Variants in FGF12 observed in about 807,000 individuals in gnomAD.
FGF12 encodes the protein fibroblast growth factor 12, also known as fibroblast growth factor 12B.
FGF12 carries 14 observed loss-of-function variants against 23.6 expected under a neutral mutation model. That is an observed-to-expected ratio of 0.59 (90% CI 0.39 to 0.93). FGF12 has a LOEUF of 0.93. Among genes scored for constraint, FGF12 ranks in the 40% least tolerant of loss-of-function variants. The pLI, the probability that FGF12 is intolerant of heterozygous loss-of-function variation, is 0.00. For missense variants in FGF12, 175 were observed against 217.8 expected (o/e 0.80, Z 1.24); for synonymous variants, 62 against 77.3 (o/e 0.80, Z 1.04).
At chr3:192,711,398 T>C (rs1269029716) in intron 2 of FGF12, among the ~76,000 whole-genome samples, 4 of 148,574 alleles carry the variant, frequency 2.7e-5, no homozygotes, top group Admixed American at 6.7e-5. Context: ...CCGCCCCTTC[T>C]GGGAAGTGAG....
chr3:192,570,554 T>G (rs907132293), intron 2 of FGF12, among the ~76,000 whole-genome samples: 27 of 152,272 alleles, frequency 1.8e-4, no homozygotes, highest in African/African-American at 6.5e-4. Context: ...AGTCTGGAAG[T>G]TTCCCCAAAT....
intron 2 of FGF12, among the ~76,000 whole-genome samples, chr3:192,401,177 A>C (rs899962813): frequency 2.6e-5 from 4 of 152,236 alleles, no homozygotes; most frequent in Non-Finnish European, 4.4e-5. Flanking sequence ...TAATGAAAAG[A>C]CTGGTTTGTA....
At chr3:192,446,172 C>T (rs142779400) in intron 2 of FGF12, among the ~76,000 whole-genome samples, 208 of 152,318 alleles carry the variant, frequency 1.4e-3, no homozygotes, top group African/African-American at 4.6e-3. Context: ...TACCCAGACA[C>T]TGAACAGAAA....
intron 2 of FGF12, among the ~76,000 whole-genome samples, chr3:192,416,145 A>C (rs1283774674): frequency 6.6e-6 from 1 of 152,140 alleles, no homozygotes; most frequent in Non-Finnish European, 1.5e-5. Flanking sequence ...GAGACAATTA[A>C]TGAGAGATCT....
At chr3:192,622,781 C>T (rs1258673179) in intron 2 of FGF12, among the ~76,000 whole-genome samples, 1 of 152,188 alleles carries the variant, frequency 6.6e-6, no homozygotes, top group Non-Finnish European at 1.5e-5. Context: ...CAAATGCACA[C>T]ACACTTACAC....
chr3:192,577,568 G>A (rs1340051623), intron 2 of FGF12, among the ~76,000 whole-genome samples: 2 of 152,166 alleles, frequency 1.3e-5, no homozygotes, highest in South Asian at 2.1e-4. Context: ...CTGGGACAGA[G>A]AACAAAGGAA....
intron 4 of FGF12, among the ~76,000 whole-genome samples, chr3:192,314,435 T>C (rs992060129): frequency 2.6e-5 from 4 of 152,178 alleles, no homozygotes; most frequent in African/African-American, 9.7e-5. Context: ...GCTTTCCTGA[T>C]AAAGGCACCA....
intron 4 of FGF12, among the ~76,000 whole-genome samples, chr3:192,263,534 AT>A (rs1712888996): frequency 6.6e-6 from 1 of 151,334 alleles, no homozygotes; most frequent in Non-Finnish European, 1.5e-5. Context: ...TTTTAAAAAA[AT>A]AAAAAAAAAG....
chr3:192,207,497 G>C (rs1717716029), intron 4 of FGF12, among the ~76,000 whole-genome samples: 1 of 152,188 alleles, frequency 6.6e-6, no homozygotes, highest in Non-Finnish European at 1.5e-5. Flanking sequence ...AGCGATCCCG[G>C]CATAGCCAAA....
rs73066564 is a variant in FGF12, at chr3:192,321,960, C to T, written c.228+13401G>A. On this transcript the variant is annotated intron_variant, in intron 4 of 5. Transcript: ENST00000445105. ...TGTTATTCAACATAATCCTGGAAGT[C>T]CTAGCTAGAACAATCAGACAAGAGA... 2.0e-3 allele frequency among the ~76,000 whole-genome samples: 307 copies of T among 152,046 alleles called. 1 individual carries two copies. The highest frequency in any genetic ancestry group is 7.0e-3 in the African/African-American group (291 of 41,490).
intron 2 of FGF12, among the ~76,000 whole-genome samples, chr3:192,365,363 G>A (rs1718931220): frequency 2.6e-5 from 4 of 151,904 alleles, no homozygotes; most frequent in Non-Finnish European, 2.9e-5. Context: ...AAATGTAATG[G>A]GGTATTCTGA....
intron 2 of FGF12, among the ~76,000 whole-genome samples, chr3:192,659,234 T>C (rs538053846): frequency 6.6e-6 from 1 of 152,338 alleles, no homozygotes; most frequent in South Asian, 2.1e-4. Context: ...ATACATCTTA[T>C]GGCATTTCTT....
chr3:192,308,688 A>C (rs2108668555), intron 4 of FGF12, among the ~76,000 whole-genome samples: 1 of 152,158 alleles, frequency 6.6e-6, no homozygotes, highest in East Asian at 1.9e-4. Context: ...CTCAAAAAAA[A>C]AAAAGAAATT....
At chr3:192,443,479 G>A (rs1722265895) in intron 2 of FGF12, among the ~76,000 whole-genome samples, 1 of 152,202 alleles carries the variant, frequency 6.6e-6, no homozygotes, top group Non-Finnish European at 1.5e-5. Context: ...AAAGGTTGTT[G>A]GAGAGCTTTG....
chr3:192,194,678 T>C (rs55636532), intron 4 of FGF12, among the ~76,000 whole-genome samples: 1,922 of 152,262 alleles, frequency 0.013, 22 homozygotes, highest in Non-Finnish European at 0.017. Context: ...AGGATACTCA[T>C]AGAAATGTAA....
At chr3:192,163,140 C>T (rs1407513106) in intron 5 of FGF12, among the ~76,000 whole-genome samples, 1 of 152,140 alleles carries the variant, frequency 6.6e-6, no homozygotes, top group Non-Finnish European at 1.5e-5. Flanking sequence ...GGCTGCTCTG[C>T]CTATGGAGTA....
intron 2 of FGF12, among the ~76,000 whole-genome samples, chr3:192,696,703 A>C (rs1718134899): frequency 6.6e-6 from 1 of 152,038 alleles, no homozygotes; most frequent in African/African-American, 2.4e-5. Flanking sequence ...ATTGTTCTGT[A>C]GGCTTTATAG....
At chr3:192,333,464 T>C (rs1941740369) in intron 4 of FGF12, among the ~76,000 whole-genome samples, 1 of 152,088 alleles carries the variant, frequency 6.6e-6, no homozygotes, top group Non-Finnish European at 1.5e-5. Flanking sequence ...TCACAATAAC[T>C]GGACATTAAG....
intron 4 of FGF12, among the ~76,000 whole-genome samples, chr3:192,323,093 A>G (rs941475796): frequency 2.0e-5 from 3 of 152,238 alleles, no homozygotes; most frequent in Non-Finnish European, 4.4e-5. Context: ...AAAGATGTGA[A>G]GAAAGGGAAA....
Sources: gnomAD v4.1 joint callset for allele counts (sites outside exome capture counted in the v4.1 genomes callset) on GRCh38, gnomAD v4.1.1 for gene constraint, MANE v1.5 for transcripts, NCBI Gene and HGNC (gene_info 2026-07-23, HGNC 2026-07-21) for gene names.